The following DCDC2 variants were observed in gnomAD, a reference collection of about 807,000 sequenced individuals.
The protein encoded by DCDC2 is doublecortin domain containing 2, also known as doublecortin domain-containing protein 2.
Under a neutral mutation model 50.2 loss-of-function variants are expected in DCDC2, and 40 were observed. That is an observed-to-expected ratio of 0.80 (90% confidence interval 0.62 to 1.04). The LOEUF is 1.04. Among genes scored for constraint, DCDC2 ranks in the 50% least tolerant of loss-of-function variants. DCDC2 has a pLI of 0.00. For missense variants in DCDC2, 570 were observed against 581.9 expected (o/e 0.98, Z 0.21); for synonymous variants, 234 against 210.6 (o/e 1.11, Z -0.96).
At chr6:24,329,152 A>G (rs965031931) in intron 2 of DCDC2, among the ~76,000 whole-genome samples, 1 of 152,214 alleles carries the variant, frequency 6.6e-6, no homozygotes, top group Non-Finnish European at 1.5e-5. Flanking sequence ...TACTGACGGA[A>G]ACACATAAAT....
At chr6:24,287,530 T>G (rs552697142) in intron 6 of DCDC2, among the ~76,000 whole-genome samples, 23 of 152,280 alleles carry the variant, frequency 1.5e-4, no homozygotes, top group African/African-American at 5.5e-4. Flanking sequence ...CAAAGATGCC[T>G]GCCTTGTGGG....
intron 7 of DCDC2, among the ~76,000 whole-genome samples, chr6:24,245,519 C>T (rs1762651257): frequency 6.6e-6 from 1 of 152,180 alleles, no homozygotes; most frequent in African/African-American, 2.4e-5. Context: ...AAAACTCCAG[C>T]CAAGACATTA....
intron 8 of DCDC2, among the ~76,000 whole-genome samples, chr6:24,187,514 T>C (rs1257334423): frequency 1.3e-5 from 2 of 152,314 alleles, no homozygotes; most frequent in African/African-American, 4.8e-5. Flanking sequence ...AGTTATTCTC[T>C]ATTTATGTGC....
intron 4 of DCDC2, among the ~76,000 whole-genome samples, chr6:24,296,447 CA>C (rs1161392657): frequency 6.6e-6 from 1 of 152,128 alleles, no homozygotes; most frequent in African/African-American, 2.4e-5. Flanking sequence ...ACACCAAAAG[CA>C]ATCAAAACAA....
intron 8 of DCDC2, among the ~76,000 whole-genome samples, chr6:24,192,685 G>A (rs2113752084): frequency 6.6e-6 from 1 of 151,978 alleles, no homozygotes; most frequent in Admixed American, 6.6e-5. Flanking sequence ...AATAATCAAA[G>A]GAAGATAAAA....
At chr6:24,196,082 A>G (rs540311257) in intron 8 of DCDC2, among the ~76,000 whole-genome samples, 1 of 152,348 alleles carries the variant, frequency 6.6e-6, no homozygotes, top group Admixed American at 6.5e-5. Context: ...TGACAGGAAA[A>G]CAGTCCAAAG....
the DCDC2 span, among the ~76,000 whole-genome samples, chr6:24,376,497 A>C: frequency 2.0e-5 from 3 of 152,308 alleles, no homozygotes; most frequent in Admixed American, 6.5e-5. Flanking sequence ...AAATAGCACC[A>C]AAGGGTGCTA....
chr6:24,190,383 T>G (rs1004257850), intron 8 of DCDC2, among the ~76,000 whole-genome samples: 3 of 151,974 alleles, frequency 2.0e-5, no homozygotes, highest in South Asian at 2.1e-4. Flanking sequence ...CCTTGTGGGG[T>G]TGGGGGAGAG....
intron 8 of DCDC2, among the ~76,000 whole-genome samples, chr6:24,188,199 C>T (rs978505082): frequency 6.6e-6 from 1 of 152,170 alleles, no homozygotes; most frequent in Non-Finnish European, 1.5e-5. Flanking sequence ...GCTGACAATG[C>T]TGGTCCCCAA....
At chr6:24,358,715 A>T (rs533538323), upstream of DCDC2, among the ~76,000 whole-genome samples, 199 of 79,998 alleles carry the variant, frequency 2.5e-3, 3 homozygotes, top group African/African-American at 9.8e-3. Flanking sequence ...TTATATATAT[A>T]TTTTATATAT....
rs753636454 is a variant in DCDC2 at position 24,178,632 on chromosome 6, T to A, written c.1024A>T (p.Arg342Trp). Residue 342 changes from arginine to tryptophan, a missense_variant and splice_region_variant, in exon 9 of 10, where the codon AGG (arginine) becomes TGG (tryptophan). Coordinates refer to ENST00000378454, the MANE Select transcript of DCDC2 (RefSeq NM_016356.5). ...DTQVEVPVDQRPAEIVDEEED... is the reference protein window; with the variant it reads ...DTQVEVPVDQWPAEIVDEEED... ...TCCTCGTCTACTATTTCTGCTGGCC[T>A]CTGATGGATCAAAAGGAATAATGGA... 27 of 1,610,554 alleles carry A rather than the reference T, an allele frequency of 1.7e-5. No homozygotes were observed. The highest frequency in any genetic ancestry group is 2.3e-5 in the Non-Finnish European group (27 of 1,179,044).
At chr6:24,253,391 CT>C (rs900957956) in intron 7 of DCDC2, among the ~76,000 whole-genome samples, 4 of 152,062 alleles carry the variant, frequency 2.6e-5, no homozygotes, top group Non-Finnish European at 5.9e-5. Context: ...GTGAAATGAA[CT>C]TTACCAACAT....
chr6:24,254,900 A>G (rs1394979593), intron 7 of DCDC2, among the ~76,000 whole-genome samples: 2 of 152,194 alleles, frequency 1.3e-5, no homozygotes, highest in Non-Finnish European at 2.9e-5. Context: ...TGATCTATAG[A>G]TTTAATTCAG....
intron 7 of DCDC2, among the ~76,000 whole-genome samples, chr6:24,209,756 C>A (rs544004857): frequency 6.6e-6 from 1 of 152,084 alleles, no homozygotes; most frequent in Non-Finnish European, 1.5e-5. Context: ...AAAAGTAACT[C>A]TTCTCTAGGT....
intron 2 of DCDC2, among the ~76,000 whole-genome samples, chr6:24,352,192 A>G (rs1367901307): frequency 6.6e-6 from 1 of 152,248 alleles, no homozygotes; most frequent in Non-Finnish European, 1.5e-5. Flanking sequence ...CAGCAAAGAC[A>G]CTGGAATCCA....
chr6:24,206,323 C>T (rs1581585897), intron 7 of DCDC2, among the ~76,000 whole-genome samples: 2 of 151,512 alleles, frequency 1.3e-5, no homozygotes, highest in East Asian at 3.9e-4. Flanking sequence ...AGGGCAATAG[C>T]AGAGTATTAT....
intron 7 of DCDC2, among the ~76,000 whole-genome samples, chr6:24,244,617 C>T (rs1417801060): frequency 6.6e-6 from 1 of 152,242 alleles, no homozygotes; most frequent in Non-Finnish European, 1.5e-5. Flanking sequence ...CCCAGACCTG[C>T]TCTCTGTGCT....
intron 4 of DCDC2, among the ~76,000 whole-genome samples, chr6:24,294,611 T>C (rs755857278): frequency 2.0e-5 from 3 of 151,868 alleles, no homozygotes; most frequent in Non-Finnish European, 4.4e-5. Context: ...AAGATCCAAA[T>C]GAACACAATT....
At chr6:24,303,594 A>C (rs1759420842) in intron 2 of DCDC2, among the ~76,000 whole-genome samples, 1 of 152,162 alleles carries the variant, frequency 6.6e-6, no homozygotes, top group South Asian at 2.1e-4. Context: ...TGATTCTTGC[A>C]CTTTGAGTTT....
Sources: gnomAD v4.1 joint callset for allele counts (sites outside exome capture counted in the v4.1 genomes callset) on GRCh38, gnomAD v4.1.1 for gene constraint, MANE v1.5 for transcripts, NCBI Gene and HGNC (gene_info 2026-07-23, HGNC 2026-07-21) for gene names.